Variants in NKAIN3 observed in about 807,000 individuals in gnomAD.
NKAIN3 encodes sodium/potassium transporting ATPase interacting 3.
NKAIN3 carries 25 observed loss-of-function variants against 30.2 expected under a neutral mutation model. The observed-to-expected ratio is 0.83, with a 90% CI of 0.60 to 1.16. NKAIN3 has a LOEUF of 1.16. NKAIN3 is among the 50% of genes most tolerant of loss of function. NKAIN3 has a pLI of 0.00. For missense variants in NKAIN3, 225 were observed against 254.1 expected, an observed-to-expected ratio of 0.89 and a Z score of 0.78; for synonymous variants, 91 against 89.6, an observed-to-expected ratio of 1.02 and a Z score of -0.09.
chr8:62,757,423 A>G (rs1296234982), intron 4 of NKAIN3, among the ~76,000 whole-genome samples: 1 of 152,162 alleles, frequency 6.6e-6, no homozygotes, highest in African/African-American at 2.4e-5. Flanking sequence ...CATATTCAGA[A>G]GCCCCTACTC....
chr8:62,664,358 T>G (rs1000995863), intron 3 of NKAIN3, among the ~76,000 whole-genome samples: 1 of 152,018 alleles, frequency 6.6e-6, no homozygotes, highest in Admixed American at 6.6e-5. Flanking sequence ...CCATCTGAAT[T>G]TCCTGTGATT....
chr8:62,837,737 T>A (rs542306722), intron 4 of NKAIN3, among the ~76,000 whole-genome samples: 1 of 152,174 alleles, frequency 6.6e-6, no homozygotes, highest in Non-Finnish European at 1.5e-5. Context: ...TGCTTTGGGG[T>A]TACTGAGGAA....
chr8:62,950,894 T>C lies in NKAIN3; in HGVS notation c.533-3008T>C, dbSNP rs573028864. ...CCACGTAGACAACTCTTTCCATTTC[T>C]ACCATAGTCTTATCAAGGTATGCGA... On this transcript the variant is annotated intron_variant, in intron 5 of 6. Coordinates refer to ENST00000623646, the MANE Select transcript of NKAIN3 (RefSeq NM_001304533.3). 4.0e-5 allele frequency among the ~76,000 whole-genome samples: 6 copies of C among 151,046 alleles called. No individual in the cohort carries two copies. In the East Asian group the frequency reaches 1.2e-3, roughly 30 times the overall value.
chr8:62,544,448 A>G (rs568807716), intron 1 of NKAIN3, among the ~76,000 whole-genome samples: 3 of 152,194 alleles, frequency 2.0e-5, no homozygotes, highest in Non-Finnish European at 4.4e-5. Context: ...TATATAAGAC[A>G]TTTAAACCCA....
At chr8:62,710,265 T>C (rs1480613192) in intron 3 of NKAIN3, among the ~76,000 whole-genome samples, 1 of 152,098 alleles carries the variant, frequency 6.6e-6, no homozygotes, top group African/African-American at 2.4e-5. Context: ...GTTTAAATCA[T>C]TATTTCTTTG....
chr8:62,729,043 A>AAAAAAAAAAAAAAAAC (rs1815378896), intron 3 of NKAIN3, among the ~76,000 whole-genome samples: 1 of 128,700 alleles, frequency 7.8e-6, no homozygotes, highest in African/African-American at 3.3e-5. Flanking sequence ...AAAAAAACAA[A>AAAAAAAAAAAAAAAAC]AAAAAAAAAC....
rs370822269 is a variant in NKAIN3 at position 62,782,356 on chromosome 8, T to C, written c.471+35227T>C. ...TAAGTAAAACCACTATGGAAAGCAG[T>C]ATGTAGATTTCTTAAAAAAACTAAA... On this transcript the variant is annotated intron_variant, in intron 4 of 6. Coordinates refer to ENST00000623646, the MANE Select transcript of NKAIN3 (RefSeq NM_001304533.3). Among the ~76,000 whole-genome samples, 391 of 152,168 alleles carry C rather than the reference T, an allele frequency of 2.6e-3. 2 individuals carry two copies. The highest frequency in any genetic ancestry group is 9.0e-3 in the African/African-American group (373 of 41,560).
rs1450620021 is a variant in NKAIN3 at position 62,967,170 on chromosome 8, G to A, written c.*1763G>A. On this transcript the variant is annotated 3_prime_UTR_variant, in exon 7 of 7. Coordinates refer to ENST00000623646, the MANE Select transcript of NKAIN3 (RefSeq NM_001304533.3). ...ATCCAAGCCACTATTCTGCAGATGA[G>A]GGGGCTGAAGCCTAAGGGATTTGGT... 6.6e-6 allele frequency among the ~76,000 whole-genome samples: 1 copy of A among 152,194 alleles called. No individual in the cohort carries two copies.
chr8:62,728,484 G>A (rs968146987), intron 3 of NKAIN3, among the ~76,000 whole-genome samples: 1 of 151,214 alleles, frequency 6.6e-6, no homozygotes, highest in African/African-American at 2.4e-5. Flanking sequence ...CCAACATGGA[G>A]AAACCCAGTC....
intron 3 of NKAIN3, among the ~76,000 whole-genome samples, chr8:62,666,345 T>A (rs1263055204): frequency 6.6e-6 from 1 of 152,162 alleles, no homozygotes; most frequent in African/African-American, 2.4e-5. Context: ...ATAAACTTTT[T>A]CAAAGTTTGA....
intron 1 of NKAIN3, among the ~76,000 whole-genome samples, chr8:62,331,079 G>GTCTC (rs1303720351): frequency 1.6e-5 from 2 of 124,838 alleles, no homozygotes; most frequent in African/African-American, 6.1e-5. Context: ...CTCTCTCTCT[G>GTCTC]TCTCTCTCTC....
At chr8:62,546,726 T>C (rs1809027645) in intron 1 of NKAIN3, among the ~76,000 whole-genome samples, 1 of 152,342 alleles carries the variant, frequency 6.6e-6, no homozygotes, top group South Asian at 2.1e-4. Context: ...TTATTCTCTA[T>C]GATTTCACTT....
At chr8:62,764,258 A>G (rs1021958135) in intron 4 of NKAIN3, among the ~76,000 whole-genome samples, 45 of 152,120 alleles carry the variant, frequency 3.0e-4, no homozygotes, top group Admixed American at 2.7e-3. Context: ...TTGAAGTACT[A>G]TTTTGCAGAA....
chr8:62,787,806 T>A (rs1817571988), intron 4 of NKAIN3, among the ~76,000 whole-genome samples: 2 of 152,086 alleles, frequency 1.3e-5, no homozygotes, highest in African/African-American at 4.8e-5. Context: ...TGTGATAGTT[T>A]GCTGAGAATG....
intron 1 of NKAIN3, among the ~76,000 whole-genome samples, chr8:62,542,751 C>A (rs978955407): frequency 6.6e-6 from 1 of 152,154 alleles, no homozygotes; most frequent in African/African-American, 2.4e-5. Context: ...CATGTACCTA[C>A]AATCAAACAT....
chr8:62,884,943 T>G (rs927081304), intron 4 of NKAIN3, among the ~76,000 whole-genome samples: 6 of 152,144 alleles, frequency 3.9e-5, no homozygotes, highest in African/African-American at 1.4e-4. Context: ...ATTAAACTTA[T>G]GGTTTGTTGA....
chr8:62,867,336 A>G (rs1820458413), intron 4 of NKAIN3, among the ~76,000 whole-genome samples: 1 of 152,158 alleles, frequency 6.6e-6, no homozygotes, highest in Non-Finnish European at 1.5e-5. Flanking sequence ...CTTCTTCATA[A>G]GACTGTTTTA....
intron 1 of NKAIN3, among the ~76,000 whole-genome samples, chr8:62,271,434 G>A (rs1031654291): frequency 6.6e-6 from 1 of 152,172 alleles, no homozygotes; most frequent in African/African-American, 2.4e-5. Flanking sequence ...AAGTATCAAG[G>A]TGTTCCTAAG....
chr8:62,741,320 AAG>A (rs1437309789), intron 3 of NKAIN3, among the ~76,000 whole-genome samples: 1 of 151,906 alleles, frequency 6.6e-6, no homozygotes. Flanking sequence ...GAGAGGGAGA[AAG>A]AAAAAAAAAG....
Sources: gnomAD v4.1 joint callset for allele counts (sites outside exome capture counted in the v4.1 genomes callset) on GRCh38, gnomAD v4.1.1 for gene constraint, MANE v1.5 for transcripts, NCBI Gene and HGNC (gene_info 2026-07-23, HGNC 2026-07-21) for gene names.